The following CFHR3 variants were observed in gnomAD, a reference collection of about 807,000 sequenced individuals.
The protein encoded by CFHR3 is complement factor H-related protein 3.
In CFHR3, 22 loss-of-function variants were observed where a neutral mutation model predicts 36.0. The ratio of observed to expected loss-of-function variants is 0.61; its 90% CI spans 0.44 to 0.87. The LOEUF (loss-of-function observed/expected upper bound fraction) is 0.87, where lower values mean the gene tolerates loss of function less well. Among genes scored for constraint, CFHR3 ranks in the 40% least tolerant of loss-of-function variants. CFHR3 has a pLI of 0.00. For missense variants in CFHR3, 276 were observed against 401.3 expected (o/e 0.69, Z 2.67); for synonymous variants, 97 against 137.4 (o/e 0.71, Z 2.06).
At chr1:196,782,618 G>A (rs1654003497) in intron 3 of CFHR3, among the ~76,000 whole-genome samples, 1 of 136,678 alleles carries the variant, frequency 7.3e-6, no homozygotes, top group Non-Finnish European at 1.5e-5. Context: ...TGTTATTGGT[G>A]TATAAGAATG....
In CFHR3 at chr1:196,789,581, G is replaced by T. The variant is rs555234782; in HGVS notation, c.614-464G>T. 25 of 1,222,278 alleles carry T rather than the reference G, an allele frequency of 2.0e-5. 5 individuals carry two copies. The African/African-American group carries it at 3.2e-4, about 16-fold the overall frequency. 75.7% of individuals were successfully genotyped at this position (1,222,278 alleles called of 1,614,324 possible). On this transcript the variant is annotated intron_variant, in intron 4 of 5. Coordinates refer to ENST00000367425, the MANE Select transcript of CFHR3 (RefSeq NM_021023.6). ...TATACACCCTTACTGTTAGTAAATCGTTACATAACTACATAAATGGTTACA... is the reference window on the plus strand; with the variant it reads ...TATACACCCTTACTGTTAGTAAATCTTTACATAACTACATAAATGGTTACA...
At position 196,788,908 on chromosome 1, in the gene CFHR3, T is replaced by C; in HGVS notation, c.613+510T>C. Reference sequence around the variant, plus strand: ...TCCAATCAAAAAATTATCTCTACCCTATTGTTTACTACAGAGAAAACAAGT... The same window carrying C: ...TCCAATCAAAAAATTATCTCTACCCCATTGTTTACTACAGAGAAAACAAGT... On this transcript the variant is annotated intron_variant, in intron 4 of 5. Transcript: ENST00000367425. The C allele has an allele frequency of 1.4e-6, 2 of 1,418,738 alleles. 1 individual carries two copies. The highest frequency in any genetic ancestry group is 1.9e-6 in the Non-Finnish European group (2 of 1,078,592). 87.9% of individuals were successfully genotyped at this position (1,418,738 alleles called of 1,614,324 possible).
chr1:196,776,731 A>G (rs182216632), intron 1 of CFHR3, among the ~76,000 whole-genome samples: 25 of 136,688 alleles, frequency 1.8e-4, no homozygotes, highest in East Asian at 3.9e-4. Flanking sequence ...TGAAATCAGT[A>G]GTACTTTGTT....
At chr1:196,779,028 G>C (rs770823038) in intron 1 of CFHR3, 134 bp from the exon 2 acceptor site, 1 of 701,276 alleles carries the variant, frequency 1.4e-6, no homozygotes, top group East Asian at 2.7e-5. Context: ...GAGAGGTCAG[G>C]ATCAGGAAAC....
In CFHR3 at chr1:196,787,030, T is replaced by G. The variant is rs1206577310; in HGVS notation, c.431-1186T>G. On this transcript the variant is annotated intron_variant, in intron 3 of 5. Coordinates refer to ENST00000367425, the MANE Select transcript of CFHR3 (RefSeq NM_021023.6). The stretch of plus-strand genomic sequence containing the variant: ...ATCTTCAGTTACAGCTGACTTTTAC[T>G]TTTTAAGTAAAGGGGACTCTGAAAA... Among the ~76,000 whole-genome samples the G allele has an allele frequency of 4.3e-5, 6 of 137,960 alleles. 3 individuals are homozygous for G. The South Asian group carries it at 1.5e-3, about 34-fold the overall frequency. 90.5% of individuals were successfully genotyped at this position (137,960 alleles called of 152,430 possible).
intron 5 of CFHR3, 118 bp from the exon 6 acceptor site, chr1:196,793,199 T>G: frequency 1.0e-6 from 1 of 994,870 alleles, no homozygotes; most frequent in South Asian, 1.9e-5. Flanking sequence ...AGTTAATAAC[T>G]ATTAACTATT....
At position 196,794,339 on chromosome 1, in the gene CFHR3, T is replaced by C. The variant is rs1205260227; in HGVS notation, c.*826T>C. Among the ~76,000 whole-genome samples, 1 of 136,138 alleles carries C rather than the reference T, an allele frequency of 7.3e-6. No homozygotes were observed. The highest frequency in any genetic ancestry group is 1.6e-5 in the Non-Finnish European group (1 of 64,426). 89.3% of individuals were successfully genotyped at this position (136,138 alleles called of 152,430 possible). A position where few individuals can be genotyped will look rare whatever the true frequency, so the allele number is the denominator to read the frequency against. On this transcript the variant is annotated 3_prime_UTR_variant, in exon 6 of 6. Coordinates refer to ENST00000367425, the MANE Select transcript of CFHR3 (RefSeq NM_021023.6). ...CTAGCTCGGCATGATGGCGTGCACC[T>C]GTAGTCCCAGCTACTCAGGAGGCTG... is the stretch of plus-strand genomic sequence containing the variant.
rs1654250889 is a variant in CFHR3 at position 196,787,371 on chromosome 1, G to A, written c.431-845G>A. ...AGGAGATTAATAGGAAAGTAGGCAA[G>A]AATAGATCAGAAAACTCATGATTAT... On this transcript the variant is annotated intron_variant, in intron 3 of 5. Coordinates refer to ENST00000367425, the MANE Select transcript of CFHR3 (RefSeq NM_021023.6). 2.2e-5 allele frequency among the ~76,000 whole-genome samples: 3 copies of A among 136,964 alleles called. No homozygotes were observed. In the South Asian group the frequency reaches 7.6e-4, roughly 35 times the overall value. 89.9% of individuals were successfully genotyped at this position (136,964 alleles called of 152,430 possible).
At chr1:196,788,849 T>A (rs771733042) in intron 4 of CFHR3, 8 of 1,451,106 alleles carry the variant, frequency 5.5e-6, no homozygotes. Flanking sequence ...GAATCAGACC[T>A]TAATAATTTG....
intron 1 of CFHR3, among the ~76,000 whole-genome samples, chr1:196,775,757 G>A (rs914464515): frequency 7.3e-6 from 1 of 136,814 alleles, no homozygotes; most frequent in Non-Finnish European, 1.6e-5. Flanking sequence ...GGACAATCAA[G>A]GGTGTGTGTC....
chr1:196,789,412 G>A lies in CFHR3; in HGVS notation c.614-633G>A, dbSNP rs1032591209. 9.0e-6 allele frequency: 8 copies of A among 888,358 alleles called. No homozygotes were observed. In the East Asian group the frequency reaches 3.1e-4, roughly 34 times the overall value. The allele number at this position is 888,358 out of a possible 1,614,324, so 55.0% of individuals were successfully genotyped here. ...TGTTTTCAATTTCTATACTTATCAA[G>A]GGCTCTGTGTAAAGAAAAAGGTGTA... On this transcript the variant is annotated intron_variant, in intron 4 of 5. Coordinates refer to ENST00000367425, the MANE Select transcript of CFHR3 (RefSeq NM_021023.6).
At position 196,780,008 on chromosome 1, in the gene CFHR3, T is replaced by C. The variant is rs1553286729; in HGVS notation, c.430+35T>C. 4 of 1,530,412 alleles carry C rather than the reference T, an allele frequency of 2.6e-6. 1 individual carries two copies. The highest frequency in any genetic ancestry group is 2.5e-5 in the South Asian group (2 of 80,706). The allele number at this position is 1,530,412 out of a possible 1,614,324, so 94.8% of individuals were successfully genotyped here. A position where few individuals can be genotyped will look rare whatever the true frequency, so the allele number is the denominator to read the frequency against. On this transcript the variant is annotated intron_variant, in intron 3 of 5. Coordinates refer to ENST00000367425, the MANE Select transcript of CFHR3 (RefSeq NM_021023.6). ...CCGCTCTGAGATCCCAGCATGTTCA[T>C]GTCTTTCTAAGTAACACGGACGACA...
chr1:196,777,713 C>G (rs1415798753), intron 1 of CFHR3, among the ~76,000 whole-genome samples: 1 of 135,146 alleles, frequency 7.4e-6, no homozygotes, highest in African/African-American at 3.1e-5. Context: ...TTTGGTCGAG[C>G]CGGGGGGCTC....
chr1:196,785,168 G>C lies in CFHR3; in HGVS notation c.431-3048G>C, dbSNP rs1481759313. ...CTGGCTTGTAGAGTTTCTGCTGAGA[G>C]ATCTGCTATTAGTCTGATGGGCTTC... On this transcript the variant is annotated intron_variant, in intron 3 of 5. Coordinates refer to ENST00000367425, the MANE Select transcript of CFHR3 (RefSeq NM_021023.6). Among the ~76,000 whole-genome samples the C allele has an allele frequency of 1.1e-4, 15 of 137,000 alleles. 1 individual carries two copies. The East Asian group carries it at 1.4e-3, about 12-fold the overall frequency. 89.9% of individuals were successfully genotyped at this position (137,000 alleles called of 152,430 possible). A position where few individuals can be genotyped will look rare whatever the true frequency, so the allele number is the denominator to read the frequency against.
Position 196,793,977 on chromosome 1 carries a change from T to A in CFHR3, c.*464T>A, listed in dbSNP as rs139114205. On this transcript the variant is annotated 3_prime_UTR_variant, in exon 6 of 6. Coordinates refer to ENST00000367425, the MANE Select transcript of CFHR3 (RefSeq NM_021023.6). ...AGTTAACCAAATAGGGTCATTTTTA[T>A]TAAAAGTAGTGTTTCCTGGCAAACA... The A allele has an allele frequency of 0.012, 1,770 of 144,528 alleles. 480 individuals are homozygous for A. The highest frequency in any genetic ancestry group is 0.05 in the African/African-American group (1,652 of 32,794). The allele number at this position is 144,528 out of a possible 1,614,324, so 9.0% of individuals were successfully genotyped here.
chr1:196,794,187 A>G lies in CFHR3; in HGVS notation c.*674A>G, dbSNP rs1654517553. On this transcript the variant is annotated 3_prime_UTR_variant, in exon 6 of 6. Transcript: ENST00000367425. Reference sequence around the variant, plus strand: ...GTTGACACTTTAGGATGCTGAAGCCAGGTGCAGTGGCACACGCCTGTAATC... The same window carrying G: ...GTTGACACTTTAGGATGCTGAAGCCGGGTGCAGTGGCACACGCCTGTAATC... The G allele has an allele frequency of 6.7e-6, 1 of 150,164 alleles. No homozygotes were observed. Among genetic ancestry groups the G allele is most frequent in the African/African-American group, 3.0e-5 (1 of 33,244 alleles). 9.3% of individuals were successfully genotyped at this position (150,164 alleles called of 1,614,324 possible).
Position 196,793,507 on chromosome 1 carries a change from C to A in CFHR3, c.987C>A (p.Cys329Ter), listed in dbSNP as rs368923425. 1 of 1,522,430 alleles carries A rather than the reference C, an allele frequency of 6.6e-7. No individual in the cohort carries two copies. Among genetic ancestry groups the A allele is most frequent in the Non-Finnish European group, 8.9e-7 (1 of 1,125,888 alleles). The allele number at this position is 1,522,430 out of a possible 1,614,324, so 94.3% of individuals were successfully genotyped here. A position where few individuals can be genotyped will look rare whatever the true frequency, so the allele number is the denominator to read the frequency against. The change falls in exon 6 of 6, where the codon TGC (cysteine) becomes TGA (stop). Residue 329 changes from cysteine to a stop codon, truncating the protein, a stop_gained. Coordinates refer to ENST00000367425, the MANE Select transcript of CFHR3 (RefSeq NM_021023.6). LOFTEE classifies it high-confidence loss of function. ...AAGGGATAGTGGAATACCCCAGATG[C>A]GAATAAGGCAGCATTGTTACCCTAA... ...CREGIVEYPR[C>*]E
rs1442260142 is a variant in CFHR3 at position 196,793,543 on chromosome 1, A to T, written c.*30A>T. On this transcript the variant is annotated 3_prime_UTR_variant, in exon 6 of 6. Transcript: ENST00000367425. ...GCATTGTTACCCTAAATGTATGTCCAACTTCCACTTTTCCACTTCTCACTC... is the reference window on the plus strand; with the variant it reads ...GCATTGTTACCCTAAATGTATGTCCTACTTCCACTTTTCCACTTCTCACTC... The T allele has an allele frequency of 1.0e-5, 15 of 1,495,324 alleles. 2 individuals carry two copies. Among genetic ancestry groups the T allele is most frequent in the Non-Finnish European group, 1.4e-5 (15 of 1,103,012 alleles). 92.6% of individuals were successfully genotyped at this position (1,495,324 alleles called of 1,614,324 possible). A position where few individuals can be genotyped will look rare whatever the true frequency, so the allele number is the denominator to read the frequency against.
At chr1:196,788,751 G>T (rs387107) in intron 4 of CFHR3, 330,677 of 1,449,574 alleles carry the variant, frequency 0.23, 81,359 homozygotes, top group East Asian at 0.5. Context: ...TCAGCTGCTT[G>T]TATTGCATTC....
Sources: allele counts gnomAD v4.1 joint callset (sites outside exome capture counted in the v4.1 genomes callset), GRCh38; gene constraint gnomAD v4.1.1; transcripts MANE v1.5; gene names NCBI Gene and HGNC (gene_info 2026-07-23, HGNC 2026-07-21).